The following DAB1 variants were observed in gnomAD, a reference collection of about 807,000 sequenced individuals.
DAB1 encodes disabled homolog 1.
A neutral mutation model predicts 64.6 loss-of-function variants in DAB1; 15 were observed. The ratio of observed to expected loss-of-function variants is 0.23; its 90% CI spans 0.16 to 0.36. The LOEUF is 0.36. Ranked by LOEUF, DAB1 falls within the 10% of genes least tolerant of loss-of-function variation. DAB1 has a pLI of 1.00. For missense variants in DAB1, 596 were observed against 706.7 expected (o/e 0.84, Z 1.78); for synonymous variants, 235 against 251.9 (o/e 0.93, Z 0.64).
chr1:58,476,195 A>G (rs1055729749), intron 3 of DAB1, among the ~76,000 whole-genome samples: 1 of 152,040 alleles, frequency 6.6e-6, no homozygotes, highest in African/African-American at 2.4e-5. Flanking sequence ...ATTTTCTCTC[A>G]CATAATTAGG....
intron 6 of DAB1, among the ~76,000 whole-genome samples, chr1:57,738,310 A>G (rs1231510211): frequency 2.0e-5 from 3 of 152,250 alleles, no homozygotes; most frequent in Admixed American, 2.0e-4. Flanking sequence ...AGTTTAAATT[A>G]TAAGTCAATT....
intron 5 of DAB1, among the ~76,000 whole-genome samples, chr1:58,058,577 C>T (rs528111069): frequency 1.3e-5 from 2 of 152,208 alleles, no homozygotes; most frequent in South Asian, 2.1e-4. Flanking sequence ...TGAGACCATC[C>T]GGGGGCTTCA....
intron 5 of DAB1, among the ~76,000 whole-genome samples, chr1:58,081,145 G>C (rs1178765335): frequency 6.6e-6 from 1 of 152,190 alleles, no homozygotes; most frequent in African/African-American, 2.4e-5. Context: ...GTATGGAACA[G>C]AGAAAATAGC....
At chr1:57,193,630 C>T (rs1664365011) in intron 2 of DAB1, among the ~76,000 whole-genome samples, 1 of 152,120 alleles carries the variant, frequency 6.6e-6, no homozygotes, top group Non-Finnish European at 1.5e-5. Context: ...TCGTGATCCG[C>T]CTGCGTCGGC....
At chr1:58,520,888 TACAAAAAAAA>T (rs773954693) in intron 2 of DAB1, among the ~76,000 whole-genome samples, 16 of 151,644 alleles carry the variant, frequency 1.1e-4, no homozygotes, top group Non-Finnish European at 1.8e-4. Context: ...TCTTGATAAC[TACAAAAAAAA>T]GGAAAAAAAA....
intron 9 of DAB1, among the ~76,000 whole-genome samples, chr1:57,053,660 C>CTCTCTCTATATA (rs1399510534): frequency 7.7e-5 from 9 of 116,698 alleles, no homozygotes; most frequent in African/African-American, 3.0e-4. Flanking sequence ...CTCTCTCTCT[C>CTCTCTCTATATA]TATATGTATA....
At chr1:57,683,308 C>T (rs1408882095) in intron 6 of DAB1, among the ~76,000 whole-genome samples, 49 of 152,134 alleles carry the variant, frequency 3.2e-4, no homozygotes, top group Admixed American at 3.2e-3. Context: ...GGCACACTAA[C>T]AAAAGAAACA....
chr1:57,596,177 GA>G (rs1558526224), intron 7 of DAB1, among the ~76,000 whole-genome samples: 1 of 152,154 alleles, frequency 6.6e-6, no homozygotes, highest in African/African-American at 2.4e-5. Context: ...GACACCATTC[GA>G]ACATTCTTCT....
At chr1:57,664,854 AC>A (rs1646428028) in intron 6 of DAB1, among the ~76,000 whole-genome samples, 2 of 152,194 alleles carry the variant, frequency 1.3e-5, no homozygotes, top group African/African-American at 4.8e-5. Flanking sequence ...TGATGAGCCT[AC>A]TTTTGTAAAA....
At chr1:58,152,919 T>C (rs1220309683) in intron 4 of DAB1, among the ~76,000 whole-genome samples, 1 of 152,188 alleles carries the variant, frequency 6.6e-6, no homozygotes, top group African/African-American at 2.4e-5. Flanking sequence ...AGTTATTAAA[T>C]GACAGAGAAT....
At chr1:57,390,807 C>G (rs1479814611) in intron 1 of DAB1, among the ~76,000 whole-genome samples, 2 of 152,192 alleles carry the variant, frequency 1.3e-5, no homozygotes, top group African/African-American at 4.8e-5. Flanking sequence ...TCCCAACTTC[C>G]TGCTTACAAA....
chr1:57,569,033 C>A (rs1387211737), intron 7 of DAB1, among the ~76,000 whole-genome samples: 11 of 150,976 alleles, frequency 7.3e-5, no homozygotes, highest in African/African-American at 2.7e-4. Context: ...CCGAGGCGGG[C>A]GGATCACGAG....
chr1:57,256,058 TCA>T (rs1669735536), intron 2 of DAB1, among the ~76,000 whole-genome samples: 1 of 152,192 alleles, frequency 6.6e-6, no homozygotes, highest in Non-Finnish European at 1.5e-5. Flanking sequence ...TGCGTTGTTA[TCA>T]GCACGTTACT....
chr1:58,384,500 G>T (rs1485622508), intron 3 of DAB1, among the ~76,000 whole-genome samples: 3 of 152,102 alleles, frequency 2.0e-5, no homozygotes, highest in Non-Finnish European at 4.4e-5. Flanking sequence ...TAGTTAAGAG[G>T]GTGTATGATG....
intron 1 of DAB1, among the ~76,000 whole-genome samples, chr1:57,835,930 G>T (rs1652790092): frequency 1.3e-5 from 2 of 152,084 alleles, no homozygotes; most frequent in South Asian, 4.2e-4. Context: ...GCTAACACAG[G>T]TACTCTACCC....
At chr1:58,479,102 C>T (rs1645447861) in intron 3 of DAB1, among the ~76,000 whole-genome samples, 1 of 152,074 alleles carries the variant, frequency 6.6e-6, no homozygotes, top group Admixed American at 6.6e-5. Flanking sequence ...ATATATGTTT[C>T]TAGCAAGTAT....
chr1:57,078,103 C>T (rs1420227275), intron 4 of DAB1, among the ~76,000 whole-genome samples: 6 of 152,196 alleles, frequency 3.9e-5, no homozygotes, highest in East Asian at 1.9e-4. Context: ...TGCTACATCA[C>T]GGTGCCAATG....
chr1:57,631,401 C>A (rs1406966842), intron 7 of DAB1, among the ~76,000 whole-genome samples: 1 of 152,160 alleles, frequency 6.6e-6, no homozygotes, highest in Non-Finnish European at 1.5e-5. Flanking sequence ...TCACTTGACT[C>A]ATTTCATTTT....
intron 1 of DAB1, chr1:58,536,539 G>C: frequency 2.3e-6 from 2 of 872,638 alleles, no homozygotes; most frequent in South Asian, 2.6e-5. Flanking sequence ...TCCGATAAAA[G>C]TCTGAACTGT....
Sources: gnomAD v4.1 joint callset for allele counts (sites outside exome capture counted in the v4.1 genomes callset) on GRCh38, gnomAD v4.1.1 for gene constraint, MANE v1.5 for transcripts, NCBI Gene and HGNC (gene_info 2026-07-23, HGNC 2026-07-21) for gene names.